The following CYB561 variants were observed in gnomAD, a reference collection of about 807,000 sequenced individuals.
CYB561 encodes the protein transmembrane ascorbate-dependent reductase CYB561.
A neutral mutation model predicts 25.3 loss-of-function variants in CYB561; 11 were observed. The observed-to-expected ratio is 0.44, with a 90% CI of 0.27 to 0.72. CYB561 has a LOEUF of 0.72. CYB561 is among the 30% of genes least tolerant of loss of function. The probability of loss-of-function intolerance (pLI) is 0.18; values close to 1 mark genes in which losing one functional copy is unlikely to be tolerated. For synonymous variants in CYB561, 165 were observed against 158.8 expected (o/e 1.04, Z -0.29); for missense variants, 295 against 334.9 (o/e 0.88, Z 0.93).
chr17:63,437,191 T>A, intron 2 of CYB561, 155 bp downstream of exon 2: 2 of 642,340 alleles, frequency 3.1e-6, no homozygotes, highest in Non-Finnish European at 5.4e-6. Flanking sequence ...TTGGATTCCA[T>A]CTCCCCAGGC....
At chr17:63,445,955 G>A in intron 1 of CYB561, 1 of 152,516 alleles carries the variant, frequency 6.6e-6, no homozygotes, top group Non-Finnish European at 1.5e-5. Context: ...CCAGCAAGCG[G>A]GGGTCTCGGT....
intron 1 of CYB561, among the ~76,000 whole-genome samples, chr17:63,444,441 C>T (rs568038401): frequency 3.0e-4 from 45 of 152,296 alleles, no homozygotes; most frequent in African/African-American, 9.4e-4. Context: ...GGTGTGCCAG[C>T]GCCCAGCACA....
rs1303223325 is a variant in CYB561 at position 63,434,136 on chromosome 17, C to T, written c.*266G>A. ...TGTGCTCTGCGACCAGGACCGAACACCCGAAGTCCTACCCAAAGCCTTCTG... is the reference window on the plus strand; with the variant it reads ...TGTGCTCTGCGACCAGGACCGAACATCCGAAGTCCTACCCAAAGCCTTCTG... On this transcript the variant is annotated 3_prime_UTR_variant, in exon 6 of 6. Transcript: ENST00000360793. The T allele has an allele frequency of 4.6e-6, 2 of 438,642 alleles. No individual in the cohort carries two copies. The highest frequency in any genetic ancestry group is 7.4e-5 in the Admixed American group (2 of 26,878). The allele number at this position is 438,642 out of a possible 1,614,324, so 27.2% of individuals were successfully genotyped here. A position where few individuals can be genotyped will look rare whatever the true frequency, so the allele number is the denominator to read the frequency against.
chr17:63,436,063 C>G lies in CYB561; in HGVS notation c.292G>C (p.Ala98Pro). ...GCGCCCGGGAACTCACCAACCAGGG[C>G]GATGACGAGCGCAAAGATGTGCAGC... ...GLLHIFALVI[A>P]LVGLVAVFDY... Residue 98 changes from alanine (A) to proline (P), a missense_variant, in exon 3 of 6, where the codon GCC (alanine) becomes CCC (proline). By Grantham distance (27) the Ala-to-Pro change is conservative (BLOSUM62 -1). Transcript: ENST00000360793. This position sits in a 1 kb window ranked among gnomAD's most constrained non-coding sequence, Gnocchi z 4.8. 1.2e-6 allele frequency: 2 copies of G among 1,614,154 alleles called. No individual in the cohort carries two copies. The highest frequency in any genetic ancestry group is 1.7e-6 in the Non-Finnish European group (2 of 1,180,012).
rs1284684902 is a variant in CYB561, at chr17:63,437,390, T to C, written c.158A>G (p.His53Arg). 6.2e-7 allele frequency: 1 copy of C among 1,613,508 alleles called. No individual in the cohort carries two copies. Among genetic ancestry groups the C allele is most frequent in the South Asian group, 1.1e-5 (1 of 91,034 alleles). ...CAGGCCTATGACCATGCAGAGGGGG[T>C]GCGCGTTGAACTGCAGGTCGCTCTC... ...AWESDLQFNA[H>R]PLCMVIGLIF... Residue 53 changes from histidine to arginine, a missense_variant, in exon 2 of 6, where the codon CAC (histidine) becomes CGC (arginine). By Grantham distance (29) the His-to-Arg change is conservative. Coordinates refer to ENST00000360793, the MANE Select transcript of CYB561 (RefSeq NM_001915.4).
At chr17:63,435,516 C>T (rs920582877) in intron 4 of CYB561, 172 bp downstream of exon 4, 2 of 711,616 alleles carry the variant, frequency 2.8e-6, no homozygotes, top group African/African-American at 1.8e-5. Context: ...AGCTGGGCAC[C>T]CTTGGCCGCC....
intron 1 of CYB561, among the ~76,000 whole-genome samples, chr17:63,445,381 T>C (rs1191233634): frequency 4.9e-5 from 3 of 60,666 alleles, no homozygotes; most frequent in South Asian, 7.1e-4. Context: ...GTGGCAAAGC[T>C]TTTTTTTTTT....
At chr17:63,438,485 C>T (rs2049340469) in intron 1 of CYB561, among the ~76,000 whole-genome samples, 1 of 151,128 alleles carries the variant, frequency 6.6e-6, no homozygotes, top group Admixed American at 6.6e-5. Context: ...CCGCTCCCCG[C>T]CCGGCCGCGC....
Position 63,436,098 on chromosome 17 carries a change from A to T in CYB561, c.257T>A (p.Leu86Gln), listed in dbSNP as rs1302324810. 1.2e-6 allele frequency: 2 copies of T among 1,614,230 alleles called. No homozygotes were observed. The highest frequency in any genetic ancestry group is 3.3e-5 in the Admixed American group (2 of 60,028). Residue 86 changes from leucine (L) to glutamine (Q), a missense_variant, in exon 3 of 6, where the codon CTG (leucine) becomes CAG (glutamine). Transcript: ENST00000360793. The surrounding 1 kb of genome is among the most constrained non-coding windows in gnomAD (Gnocchi z 4.8). ...CGCAAAGATGTGCAGCAGCCCGTGCAGGACCTTGGTGGTGCGTTTAGCTTC... is the reference window on the plus strand; with the variant it reads ...CGCAAAGATGTGCAGCAGCCCGTGCTGGACCTTGGTGGTGCGTTTAGCTTC... ...RNEAKRTTKV[L>Q]HGLLHIFALV...
rs2049314421 is a variant in CYB561, at chr17:63,437,376, C to G, written c.172G>C (p.Val58Leu). The change falls in exon 2 of 6, where the codon GTC becomes CTC. Residue 58 changes from valine to leucine, a missense_variant. Coordinates refer to ENST00000360793, the MANE Select transcript of CYB561 (RefSeq NM_001915.4). ...CCCTGCAGGAAGATCAGGCCTATGA[C>G]CATGCAGAGGGGGTGCGCGTTGAAC... ...LQFNAHPLCM[V>L]IGLIFLQGNA... 1.2e-6 allele frequency: 2 copies of G among 1,613,968 alleles called. No homozygotes were observed. Among genetic ancestry groups the G allele is most frequent in the Admixed American group, 3.3e-5 (2 of 60,004 alleles).
chr17:63,438,009 G>C lies in CYB561; in HGVS notation c.-13-449C>G, dbSNP rs760162018. ...CCCCGAGGCTCCCGCTGGAAGCAGC[G>C]CTCGCTCTCCTACCCGCAAGCCCCT... is the stretch of plus-strand genomic sequence containing the variant. On this transcript the variant is annotated intron_variant, in intron 1 of 5. Coordinates refer to ENST00000360793, the MANE Select transcript of CYB561 (RefSeq NM_001915.4). The C allele has an allele frequency of 2.3e-5, 21 of 931,418 alleles. No homozygotes were observed. In the African/African-American group the frequency reaches 4.2e-4, roughly 18 times the overall value. 57.7% of individuals were successfully genotyped at this position (931,418 alleles called of 1,614,324 possible).
In CYB561 at chr17:63,433,332, T is replaced by C; in HGVS notation, c.*1070A>G. ...GGCCGAAGCCAAATGGTGACTCAGC[T>C]AACATGACACTCTTTATGGGGCTGG... is the stretch of plus-strand genomic sequence containing the variant. On this transcript the variant is annotated 3_prime_UTR_variant, in exon 6 of 6. Transcript: ENST00000360793. 2.5e-6 allele frequency: 1 copy of C among 398,650 alleles called. No homozygotes were observed. The allele number at this position is 398,650 out of a possible 1,614,324, so 24.7% of individuals were successfully genotyped here. A position where few individuals can be genotyped will look rare whatever the true frequency, so the allele number is the denominator to read the frequency against.
At chr17:63,435,574 C>T in intron 4 of CYB561, 114 bp downstream of exon 4, 3 of 917,308 alleles carry the variant, frequency 3.3e-6, no homozygotes, top group Non-Finnish European at 5.3e-6. Flanking sequence ...GCTCTCTCAC[C>T]TGCACACACC....
At chr17:63,438,446 T>TCCCCCCACGCCCCCGCCCGCC (rs2049339057) in intron 1 of CYB561, 1 of 389,004 alleles carries the variant, frequency 2.6e-6, no homozygotes, top group East Asian at 4.3e-5. Context: ...CCAGCCCCGC[T>TCCCCCCACGCCCCCGCCCGCC]CCCCCCACGC....
intron 1 of CYB561, among the ~76,000 whole-genome samples, chr17:63,442,194 G>C (rs1317671741): frequency 6.6e-6 from 1 of 152,232 alleles, no homozygotes; most frequent in Non-Finnish European, 1.5e-5. Context: ...GCGTGGCTCT[G>C]TGCTTTACAG....
chr17:63,442,121 AGT>A (rs746462425), intron 1 of CYB561, among the ~76,000 whole-genome samples: 23 of 152,176 alleles, frequency 1.5e-4, no homozygotes, highest in Non-Finnish European at 3.2e-4. Context: ...TCAAAATCTA[AGT>A]GTAAGGATGA....
chr17:63,441,864 G>A (rs917321136), intron 1 of CYB561, among the ~76,000 whole-genome samples: 1 of 152,222 alleles, frequency 6.6e-6, no homozygotes, highest in African/African-American at 2.4e-5. Context: ...CGTCCTCCCC[G>A]CCTCGGTTCC....
Position 63,432,898 on chromosome 17 carries a change from G to C in CYB561, c.*1504C>G, listed in dbSNP as rs909874907. The C allele has an allele frequency of 6.6e-6, 1 of 152,402 alleles. No homozygotes were observed. The highest frequency in any genetic ancestry group is 1.5e-5 in the Non-Finnish European group (1 of 68,172). 9.4% of individuals were successfully genotyped at this position (152,402 alleles called of 1,614,324 possible). A position where few individuals can be genotyped will look rare whatever the true frequency, so the allele number is the denominator to read the frequency against. On this transcript the variant is annotated 3_prime_UTR_variant, in exon 6 of 6. Coordinates refer to ENST00000360793, the MANE Select transcript of CYB561 (RefSeq NM_001915.4). ...AAAAGGGCAGCCATTACAAGAAGAA[G>C]AGTCGTCAGGTTTGGAAACTGTATA...
chr17:63,446,530 T>G (rs749835520), upstream of CYB561, among the ~76,000 whole-genome samples: 1 of 151,608 alleles, frequency 6.6e-6, no homozygotes, highest in East Asian at 2.0e-4. Flanking sequence ...GGGGCCCCCA[T>G]GATCGGGGGT....
Sources: gnomAD v4.1 joint callset for allele counts (sites outside exome capture counted in the v4.1 genomes callset) on GRCh38, gnomAD v4.1.1 for gene constraint, Gnocchi (gnomAD v3.1) non-coding constraint, MANE v1.5 for transcripts, NCBI Gene and HGNC (gene_info 2026-07-23, HGNC 2026-07-21) for gene names.